Variants in KLF12 observed in about 807,000 individuals in gnomAD.
KLF12 encodes KLF transcription factor 12, also known as Krueppel-like factor 12.
A neutral mutation model predicts 37.8 loss-of-function variants in KLF12; 9 were observed. That is an observed-to-expected ratio of 0.24 (90% CI 0.14 to 0.42). The LOEUF is 0.42. Among genes scored for constraint, KLF12 ranks in the 10% least tolerant of loss-of-function variants. KLF12 has a pLI of 1.00. For missense variants in KLF12, 411 were observed against 516.0 expected, an observed-to-expected ratio of 0.80 and a Z score of 1.97; for synonymous variants, 208 against 202.1, an observed-to-expected ratio of 1.03 and a Z score of -0.25.
the KLF12 span, chr13:74,258,161 T>TTGTGTGGGTGTGTG: frequency 7.5e-6 from 1 of 133,836 alleles, no homozygotes; most frequent in Non-Finnish European, 1.6e-5. Context: ...ATTACTGTGT[T>TTGTGTGGGTGTGTG]TGTGTGTGTG....
chr13:73,853,839 C>T (rs1048176757), intron 3 of KLF12, among the ~76,000 whole-genome samples: 5 of 151,928 alleles, frequency 3.3e-5, no homozygotes, highest in African/African-American at 1.2e-4. Context: ...AATACACAAA[C>T]CTTTAGCAAA....
At chr13:74,008,905 T>C (rs1221553186) in intron 1 of KLF12, among the ~76,000 whole-genome samples, 1 of 152,208 alleles carries the variant, frequency 6.6e-6, no homozygotes, top group Non-Finnish European at 1.5e-5. Context: ...ATAACTTATG[T>C]CCATTGTAAC....
chr13:73,737,028 AG>A (rs1419552424), intron 6 of KLF12, among the ~76,000 whole-genome samples: 1 of 152,186 alleles, frequency 6.6e-6, no homozygotes, highest in African/African-American at 2.4e-5. Flanking sequence ...AGTACGTACC[AG>A]TGGATTTCTG....
At chr13:74,301,819 C>T in the KLF12 span, among the ~76,000 whole-genome samples, 44 of 152,236 alleles carry the variant, frequency 2.9e-4, no homozygotes, top group African/African-American at 1.0e-3. Flanking sequence ...TCCAACCAAT[C>T]GCAGTATTCT....
chr13:73,835,066 C>T (rs1594148094), intron 4 of KLF12, among the ~76,000 whole-genome samples: 1 of 142,842 alleles, frequency 7.0e-6, no homozygotes, highest in Non-Finnish European at 1.5e-5. Context: ...GAAGTTAAAC[C>T]TTTTTTTTTT....
chr13:73,731,766 A>G (rs1877077503), intron 6 of KLF12, among the ~76,000 whole-genome samples: 1 of 152,172 alleles, frequency 6.6e-6, no homozygotes, highest in Non-Finnish European at 1.5e-5. Context: ...CTAAAGCACA[A>G]ACTGTGGCCT....
At chr13:73,936,393 T>C (rs558195921) in intron 3 of KLF12, among the ~76,000 whole-genome samples, 1 of 152,258 alleles carries the variant, frequency 6.6e-6, no homozygotes, top group Non-Finnish European at 1.5e-5. Flanking sequence ...GCCTCACATA[T>C]GAAGAGGTCT....
At chr13:74,253,243 A>G in the KLF12 span, among the ~76,000 whole-genome samples, 1 of 152,230 alleles carries the variant, frequency 6.6e-6, no homozygotes, top group Non-Finnish European at 1.5e-5. Context: ...AACATTACCT[A>G]TATAGAGGAA....
intron 3 of KLF12, among the ~76,000 whole-genome samples, chr13:73,910,340 CT>C (rs1888508606): frequency 6.6e-6 from 1 of 152,086 alleles, no homozygotes; most frequent in Non-Finnish European, 1.5e-5. Context: ...GCTTTTAGAA[CT>C]CACGTGTTCT....
chr13:74,126,074 G>C (rs1300598524), intron 1 of KLF12, among the ~76,000 whole-genome samples: 2 of 152,002 alleles, frequency 1.3e-5, no homozygotes, highest in Non-Finnish European at 2.9e-5. Flanking sequence ...AAAACAGAAA[G>C]CATAACATAG....
At chr13:73,839,722 T>G (rs1237561767) in intron 4 of KLF12, among the ~76,000 whole-genome samples, 2 of 152,214 alleles carry the variant, frequency 1.3e-5, no homozygotes, top group African/African-American at 2.4e-5. Context: ...ATTGCTTATA[T>G]TGTACTGTGA....
At chr13:73,916,293 T>A (rs1888843757) in intron 3 of KLF12, among the ~76,000 whole-genome samples, 1 of 151,654 alleles carries the variant, frequency 6.6e-6, no homozygotes, top group Non-Finnish European at 1.5e-5. Flanking sequence ...TAATTTTACA[T>A]AATCGCTGAC....
intron 4 of KLF12, among the ~76,000 whole-genome samples, chr13:73,833,757 C>T (rs1411635548): frequency 1.3e-5 from 2 of 151,986 alleles, no homozygotes; most frequent in South Asian, 2.1e-4. Context: ...ATGGCTGGGA[C>T]GTGAGATGTA....
intron 1 of KLF12, among the ~76,000 whole-genome samples, chr13:74,102,843 C>T (rs1246194316): frequency 6.6e-6 from 1 of 152,210 alleles, no homozygotes; most frequent in Non-Finnish European, 1.5e-5. Flanking sequence ...GACGTCACCA[C>T]TGACTGTGAT....
chr13:74,082,111 C>T lies in KLF12; in HGVS notation c.-32+51628G>A, dbSNP rs372775740. ...GGGAGGCTGAGGCAGGAGGACTGCT[C>T]GAGCCCAGGAATTCAAGACAAAACT... On this transcript the variant is annotated intron_variant, in intron 1 of 7. Coordinates refer to ENST00000377669, the MANE Select transcript of KLF12 (RefSeq NM_007249.5). Among the ~76,000 whole-genome samples the T allele has an allele frequency of 1.7e-3, 233 of 140,738 alleles. 2 individuals carry two copies. The highest frequency in any genetic ancestry group is 5.7e-3 in the African/African-American group (219 of 38,180). The allele number at this position is 140,738 out of a possible 152,430, so 92.3% of individuals were successfully genotyped here. A position where few individuals can be genotyped will look rare whatever the true frequency, so the allele number is the denominator to read the frequency against.
At chr13:74,133,624 TG>T (rs1878392237) in intron 1 of KLF12, among the ~76,000 whole-genome samples, 1 of 143,970 alleles carries the variant, frequency 6.9e-6, no homozygotes, top group Non-Finnish European at 1.5e-5. Context: ...CTTGAGCAGA[TG>T]ACAGAAGGAA....
At chr13:74,031,109 C>T (rs540607251) in intron 1 of KLF12, among the ~76,000 whole-genome samples, 4 of 152,206 alleles carry the variant, frequency 2.6e-5, no homozygotes, top group Admixed American at 2.6e-4. Flanking sequence ...CAGCCATTTG[C>T]TATTTCTTCT....
chr13:73,696,004 T>C (rs1874118838), intron 7 of KLF12, among the ~76,000 whole-genome samples: 1 of 152,172 alleles, frequency 6.6e-6, no homozygotes, highest in Non-Finnish European at 1.5e-5. Context: ...CCAGTTTGAT[T>C]TGATTTTAAG....
the KLF12 span, among the ~76,000 whole-genome samples, chr13:74,276,963 G>A: frequency 6.6e-6 from 1 of 152,164 alleles, no homozygotes; most frequent in Non-Finnish European, 1.5e-5. Context: ...CATTGATTTA[G>A]CAGGATCCTC....
Sources: gnomAD v4.1 joint callset for allele counts (sites outside exome capture counted in the v4.1 genomes callset) on GRCh38, gnomAD v4.1.1 for gene constraint, MANE v1.5 for transcripts, NCBI Gene and HGNC (gene_info 2026-07-23, HGNC 2026-07-21) for gene names.